MALRD1: variants seen among roughly 807,000 people sequenced by gnomAD.
The protein encoded by MALRD1 is MAM and LDL receptor class A domain containing 1.
A neutral mutation model predicts 242.1 loss-of-function variants in MALRD1; 247 were observed. The ratio of observed to expected loss-of-function variants is 1.02; its 90% CI spans 0.92 to 1.13. MALRD1 has a LOEUF of 1.13. Among genes scored for constraint, MALRD1 ranks in the 50% most tolerant of loss-of-function variants. MALRD1 has a pLI of 0.00. For missense variants in MALRD1, 2,989 were observed against 2,533.1 expected (o/e 1.18, Z -3.86); for synonymous variants, 995 against 866.6 (o/e 1.15, Z -2.60).
At chr10:19,295,334 A>C (rs1006964570) in intron 21 of MALRD1, among the ~76,000 whole-genome samples, 4 of 152,052 alleles carry the variant, frequency 2.6e-5, no homozygotes, top group Non-Finnish European at 5.9e-5. Context: ...GCCAACACTG[A>C]ATATGTAAGT....
intron 21 of MALRD1, among the ~76,000 whole-genome samples, chr10:19,303,271 G>A (rs1842028910): frequency 6.6e-6 from 1 of 151,454 alleles, no homozygotes; most frequent in Admixed American, 6.6e-5. Flanking sequence ...TAGACATTAG[G>A]TCAAAATTAC....
intron 18 of MALRD1, among the ~76,000 whole-genome samples, chr10:19,233,227 C>T (rs1383715405): frequency 6.6e-6 from 1 of 152,016 alleles, no homozygotes; most frequent in Non-Finnish European, 1.5e-5. Flanking sequence ...ATTGGCTGGG[C>T]GCGGTGGCTC....
rs189472577 is a variant in MALRD1, at chr10:19,689,380, C to G, written c.6138-2902C>G. On this transcript the variant is annotated intron_variant, in intron 36 of 39. Coordinates refer to ENST00000454679, the MANE Select transcript of MALRD1 (RefSeq NM_001142308.3). ...TTAACATACATTTGTGGGTAATTTC[C>G]TTGACACTTCAAGCATATATTGTTA... 3.3e-5 allele frequency among the ~76,000 whole-genome samples: 5 copies of G among 152,166 alleles called. No homozygotes were observed. The East Asian group carries it at 9.7e-4, about 29-fold the overall frequency.
At chr10:19,547,802 ATATATATATATATATATTTT>A (rs1163334947) in intron 32 of MALRD1, among the ~76,000 whole-genome samples, 5 of 14,508 alleles carry the variant, frequency 3.4e-4, no homozygotes, top group Non-Finnish European at 3.5e-4. Flanking sequence ...ATATATATAT[ATATATATATATATATATTTT>A]TTTTTTTTTT....
intron 18 of MALRD1, among the ~76,000 whole-genome samples, chr10:19,222,467 C>T (rs150772643): frequency 3.5e-4 from 54 of 152,288 alleles, no homozygotes; most frequent in African/African-American, 1.2e-3. Context: ...CTAGCCTCCA[C>T]TTCACAAGGA....
chr10:19,697,605 A>G (rs183661295), intron 38 of MALRD1, among the ~76,000 whole-genome samples: 8 of 152,224 alleles, frequency 5.3e-5, no homozygotes, highest in African/African-American at 1.4e-4. Context: ...GCGTTCCAAA[A>G]TAATTCTAAA....
At chr10:19,493,470 C>G (rs4748593) in intron 30 of MALRD1, among the ~76,000 whole-genome samples, 62,290 of 151,652 alleles carry the variant, frequency 0.41, 13,447 homozygotes, top group Non-Finnish European at 0.49. Context: ...TCAAATAAAA[C>G]TTATAGTTCA....
At chr10:19,064,193 G>C (rs1033089742) in intron 1 of MALRD1, among the ~76,000 whole-genome samples, 2 of 152,250 alleles carry the variant, frequency 1.3e-5, no homozygotes, top group South Asian at 4.1e-4. Context: ...AAAAAGTCCA[G>C]GAACTTGGAT....
chr10:19,698,991 A>G (rs1023582592), intron 38 of MALRD1, among the ~76,000 whole-genome samples: 2 of 152,088 alleles, frequency 1.3e-5, no homozygotes, highest in African/African-American at 4.8e-5. Context: ...GAGTTGAACA[A>G]TGAGAACACA....
intron 26 of MALRD1, among the ~76,000 whole-genome samples, chr10:19,374,465 C>T (rs964653594): frequency 6.6e-6 from 1 of 152,160 alleles, no homozygotes; most frequent in African/African-American, 2.4e-5. Context: ...TATAACAAAC[C>T]TACTTAGTTT....
intron 26 of MALRD1, among the ~76,000 whole-genome samples, chr10:19,355,263 C>T (rs933536900): frequency 6.6e-6 from 1 of 151,790 alleles, no homozygotes; most frequent in South Asian, 2.1e-4. Flanking sequence ...GGAAATAGAG[C>T]CAAATTGTGG....
intron 36 of MALRD1, among the ~76,000 whole-genome samples, chr10:19,620,019 A>AATAATAATAATAAT (rs564333226): frequency 0.12 from 7,130 of 58,428 alleles, 479 homozygotes; most frequent in African/African-American, 0.21. Flanking sequence ...TAATAATAAT[A>AATAATAATAATAAT]AATAATAATA....
At chr10:19,612,830 G>A (rs975211068) in intron 35 of MALRD1, among the ~76,000 whole-genome samples, 1 of 151,830 alleles carries the variant, frequency 6.6e-6, no homozygotes, top group Admixed American at 6.6e-5. Flanking sequence ...GCACTAGGGG[G>A]ATGGTGGTGA....
chr10:19,449,615 A>T (rs1003190670), intron 28 of MALRD1, among the ~76,000 whole-genome samples: 1 of 152,192 alleles, frequency 6.6e-6, no homozygotes, highest in Non-Finnish European at 1.5e-5. Context: ...AATTTTTTTG[A>T]GGGAAGCAAG....
At chr10:19,435,789 G>T (rs1303607214) in intron 28 of MALRD1, among the ~76,000 whole-genome samples, 1 of 152,136 alleles carries the variant, frequency 6.6e-6, no homozygotes, top group Non-Finnish European at 1.5e-5. Context: ...AATCCACTGT[G>T]TGCAGCCCAC....
At chr10:19,411,709 C>T (rs1240758619) in intron 28 of MALRD1, among the ~76,000 whole-genome samples, 1 of 152,138 alleles carries the variant, frequency 6.6e-6, no homozygotes, top group African/African-American at 2.4e-5. Flanking sequence ...ACTAATTCCA[C>T]ACACAGCCTT....
At chr10:19,409,952 AC>A (rs1441117592) in intron 28 of MALRD1, among the ~76,000 whole-genome samples, 7 of 152,270 alleles carry the variant, frequency 4.6e-5, no homozygotes, top group Admixed American at 2.0e-4. Context: ...ATATTTTGAT[AC>A]ATATAATATG....
chr10:19,304,999 G>A (rs1033879200), intron 21 of MALRD1, among the ~76,000 whole-genome samples: 20 of 151,632 alleles, frequency 1.3e-4, no homozygotes, highest in African/African-American at 4.8e-4. Flanking sequence ...CCCAATCATT[G>A]AAGTCATTGC....
At chr10:19,609,633 G>A (rs1257360881) in intron 35 of MALRD1, among the ~76,000 whole-genome samples, 1 of 152,002 alleles carries the variant, frequency 6.6e-6, no homozygotes, top group Non-Finnish European at 1.5e-5. Flanking sequence ...CTCCGGCACT[G>A]TATAGATGTT....
Sources: allele counts gnomAD v4.1 joint callset (sites outside exome capture counted in the v4.1 genomes callset), GRCh38; gene constraint gnomAD v4.1.1; transcripts MANE v1.5; gene names NCBI Gene and HGNC (gene_info 2026-07-23, HGNC 2026-07-21).